CAMKMT: variants seen among roughly 807,000 people sequenced by gnomAD.
The protein encoded by CAMKMT is CaM KMT.
CAMKMT carries 53 observed loss-of-function variants against 48.0 expected under a neutral mutation model. The ratio of observed to expected loss-of-function variants is 1.10; its 90% confidence interval spans 0.89 to 1.39. CAMKMT has a LOEUF of 1.39. Among genes scored for constraint, CAMKMT ranks in the 40% most tolerant of loss-of-function variants. CAMKMT has a pLI of 0.00. For missense variants in CAMKMT, 428 were observed against 402.7 expected (o/e 1.06, Z -0.54); for synonymous variants, 165 against 152.3 (o/e 1.08, Z -0.61).
At chr2:44,585,426 C>G (rs1207503662) in intron 3 of CAMKMT, among the ~76,000 whole-genome samples, 1 of 152,184 alleles carries the variant, frequency 6.6e-6, no homozygotes, top group Non-Finnish European at 1.5e-5. Flanking sequence ...GTAGGCCAGA[C>G]CATATTCCTG....
chr2:44,400,178 C>A (rs764565968), intron 3 of CAMKMT, among the ~76,000 whole-genome samples: 1 of 152,084 alleles, frequency 6.6e-6, no homozygotes, highest in Non-Finnish European at 1.5e-5. Flanking sequence ...AGAGGTAAAT[C>A]TAAGTTTCAA....
chr2:44,417,998 C>T lies in CAMKMT; in HGVS notation c.376+27693C>T, dbSNP rs143912309. ...CCTGAGGTCAGGAATTTGAGACCAG[C>T]CTGACCAACATGGCGAAACCCCATC... is the stretch of plus-strand genomic sequence containing the variant. On this transcript the variant is annotated intron_variant, in intron 3 of 10. Coordinates refer to ENST00000378494, the MANE Select transcript of CAMKMT (RefSeq NM_024766.5). 3.3e-3 allele frequency among the ~76,000 whole-genome samples: 495 copies of T among 152,150 alleles called. 2 individuals are homozygous for T. Among genetic ancestry groups the T allele is most frequent in the African/African-American group, 0.011 (459 of 41,494 alleles).
chr2:44,749,340 G>A (rs114689734), intron 8 of CAMKMT, among the ~76,000 whole-genome samples: 2,447 of 152,230 alleles, frequency 0.016, 29 homozygotes, highest in African/African-American at 0.036. Context: ...ATCAGTAAAG[G>A]AGTGTGTACT....
At chr2:44,390,516 G>GGT (rs199918415) in intron 3 of CAMKMT, among the ~76,000 whole-genome samples, 29 of 150,982 alleles carry the variant, frequency 1.9e-4, no homozygotes, top group Non-Finnish European at 2.8e-4. Flanking sequence ...AAACTTCGCA[G>GGT]GTGTGTGTGT....
At chr2:44,636,578 A>G (rs1447793016) in intron 3 of CAMKMT, among the ~76,000 whole-genome samples, 1 of 152,218 alleles carries the variant, frequency 6.6e-6, no homozygotes, top group African/African-American at 2.4e-5. Context: ...CCCCAAATTC[A>G]TCTTCCTAAT....
At chr2:44,704,106 A>G (rs1677410473) in intron 3 of CAMKMT, among the ~76,000 whole-genome samples, 177 bp from the exon 4 acceptor site, 1 of 152,176 alleles carries the variant, frequency 6.6e-6, no homozygotes, top group African/African-American at 2.4e-5. Context: ...AGAGTTATAA[A>G]TCTCACCACT....
intron 3 of CAMKMT, among the ~76,000 whole-genome samples, chr2:44,648,527 A>G (rs1364055746): frequency 6.6e-6 from 1 of 152,250 alleles, no homozygotes; most frequent in Non-Finnish European, 1.5e-5. Context: ...TCTGAAAGAT[A>G]TTGAACAGCT....
At chr2:44,407,704 G>T (rs1278034735) in intron 3 of CAMKMT, among the ~76,000 whole-genome samples, 2 of 152,190 alleles carry the variant, frequency 1.3e-5, no homozygotes, top group African/African-American at 2.4e-5. Flanking sequence ...TGGCTAAAAG[G>T]ATTAGGACTT....
chr2:44,513,055 A>C (rs780334870), intron 3 of CAMKMT, among the ~76,000 whole-genome samples: 38 of 152,306 alleles, frequency 2.5e-4, no homozygotes, highest in Non-Finnish European at 5.0e-4. Context: ...TGGTAATAAA[A>C]CATTCTGATG....
chr2:44,768,972 G>C (rs953442563), intron 10 of CAMKMT, among the ~76,000 whole-genome samples: 1 of 152,106 alleles, frequency 6.6e-6, no homozygotes, highest in Non-Finnish European at 1.5e-5. Flanking sequence ...TCTTAATCTT[G>C]TTACACAAAT....
At chr2:44,397,340 G>A (rs554149192) in intron 3 of CAMKMT, among the ~76,000 whole-genome samples, 1 of 152,198 alleles carries the variant, frequency 6.6e-6, no homozygotes, top group Non-Finnish European at 1.5e-5. Context: ...TGGTTAGAAC[G>A]CATGGGTAAT....
intron 3 of CAMKMT, among the ~76,000 whole-genome samples, chr2:44,597,224 C>T (rs1474693020): frequency 6.6e-6 from 1 of 152,146 alleles, no homozygotes; most frequent in Non-Finnish European, 1.5e-5. Context: ...TTATACAGGT[C>T]CAACTTCCAC....
At position 44,741,099 on chromosome 2, in the gene CAMKMT, C is replaced by T. The variant is rs555104987; in HGVS notation, c.624-2523C>T. 7.7e-4 allele frequency among the ~76,000 whole-genome samples: 118 copies of T among 152,310 alleles called. 3 individuals carry two copies. In the South Asian group the frequency reaches 0.022, roughly 29 times the overall value. On this transcript the variant is annotated intron_variant, in intron 7 of 10. Transcript: ENST00000378494. ...AAATAAATGTTTAGAAACACTGCTGCGACATCCAAGCATATGATCAGTGGA... is the reference window on the plus strand; with the variant it reads ...AAATAAATGTTTAGAAACACTGCTGTGACATCCAAGCATATGATCAGTGGA...
At chr2:44,728,435 G>A (rs1039354607) in intron 7 of CAMKMT, among the ~76,000 whole-genome samples, 1 of 152,166 alleles carries the variant, frequency 6.6e-6, no homozygotes, top group Non-Finnish European at 1.5e-5. Context: ...TGGCTTCATA[G>A]AATGAGTTAG....
At position 44,381,459 on chromosome 2, in the gene CAMKMT, A is replaced by G. The variant is rs144751979; in HGVS notation, c.311+8571A>G. On this transcript the variant is annotated intron_variant, in intron 2 of 10. Transcript: ENST00000378494. Reference sequence around the variant, plus strand: ...CTTATTAAAATTAGGCCATAAAACAATTCCACTTTTAGCAATGTATCTTAA... The same window carrying G: ...CTTATTAAAATTAGGCCATAAAACAGTTCCACTTTTAGCAATGTATCTTAA... Among the ~76,000 whole-genome samples the G allele has an allele frequency of 1.0e-3, 157 of 152,324 alleles. 1 individual carries two copies. The highest frequency in any genetic ancestry group is 3.7e-3 in the African/African-American group (152 of 41,576).
chr2:44,503,380 A>G (rs565908911), intron 3 of CAMKMT, among the ~76,000 whole-genome samples: 21 of 152,324 alleles, frequency 1.4e-4, no homozygotes, highest in African/African-American at 4.8e-4. Flanking sequence ...TTGATGGTCT[A>G]TTGGGAAATC....
intron 7 of CAMKMT, among the ~76,000 whole-genome samples, chr2:44,715,786 A>T (rs1026097077): frequency 6.6e-6 from 1 of 152,080 alleles, no homozygotes; most frequent in Non-Finnish European, 1.5e-5. Flanking sequence ...TGCTACTGGC[A>T]TCTAGTGGTA....
intron 8 of CAMKMT, among the ~76,000 whole-genome samples, chr2:44,745,743 T>C (rs73924540): frequency 0.02 from 2,976 of 152,342 alleles, 77 homozygotes; most frequent in African/African-American, 0.068. Context: ...ACTGCGATGC[T>C]GATAGTATTT....
chr2:44,392,066 A>C (rs1034679263), intron 3 of CAMKMT: 3 of 152,406 alleles, frequency 2.0e-5, no homozygotes, highest in Admixed American at 6.5e-5. Flanking sequence ...AAAAGTTATT[A>C]ATTATTACTG....
Sources: gnomAD v4.1 joint callset for allele counts (sites outside exome capture counted in the v4.1 genomes callset) on GRCh38, gnomAD v4.1.1 for gene constraint, MANE v1.5 for transcripts, NCBI Gene and HGNC (gene_info 2026-07-23, HGNC 2026-07-21) for gene names.